Variants in KCNJ6 observed in about 807,000 individuals in gnomAD.
KCNJ6 encodes the protein potassium inwardly rectifying channel subfamily J member 6.
A neutral mutation model predicts 34.2 loss-of-function variants in KCNJ6; 9 were observed. The observed-to-expected ratio is 0.26, with a 90% CI of 0.16 to 0.46. The LOEUF (loss-of-function observed/expected upper bound fraction) is 0.46. Among genes scored for constraint, KCNJ6 ranks in the 20% least tolerant of loss-of-function variants. KCNJ6 has a pLI of 1.00. For missense variants in KCNJ6, 236 were observed against 531.3 expected, an observed-to-expected ratio of 0.44 and a Z score of 5.46; for synonymous variants, 196 against 207.1, an observed-to-expected ratio of 0.95 and a Z score of 0.46.
intron 3 of KCNJ6, among the ~76,000 whole-genome samples, chr21:37,682,220 C>T (rs368300456): frequency 6.6e-6 from 1 of 152,264 alleles, no homozygotes; most frequent in East Asian, 1.9e-4. Context: ...AGTCTGAAAT[C>T]AGGGTGTCCT....
intron 1 of KCNJ6, among the ~76,000 whole-genome samples, chr21:37,844,644 T>C (rs917720846): frequency 4.6e-5 from 7 of 152,144 alleles, no homozygotes; most frequent in Admixed American, 2.0e-4. Context: ...GACCATTTTC[T>C]ACCTCCTTGC....
At chr21:37,660,258 C>CATGTTTT (rs1266027855) in intron 3 of KCNJ6, among the ~76,000 whole-genome samples, 40 of 152,326 alleles carry the variant, frequency 2.6e-4, no homozygotes, top group Non-Finnish European at 1.5e-5. Flanking sequence ...CAAGAAAGGC[C>CATGTTTT]ATGTTTTACC....
chr21:37,797,939 G>A (rs1436304487), intron 2 of KCNJ6, among the ~76,000 whole-genome samples: 3 of 152,166 alleles, frequency 2.0e-5, no homozygotes, highest in South Asian at 2.1e-4. Flanking sequence ...TTTTTTGTAG[G>A]TGGGACTTAT....
rs2054229006 is a variant in KCNJ6 at position 37,607,625 on chromosome 21, A to C, written c.*17534T>G. The C allele has an allele frequency of 6.6e-6, 1 of 152,042 alleles. No homozygotes were observed. Among genetic ancestry groups the C allele is most frequent in the South Asian group, 2.1e-4 (1 of 4,820 alleles). 9.4% of individuals were successfully genotyped at this position (152,042 alleles called of 1,614,324 possible). ...GTAAAGGGAGTTACAAAAGGACCAA[A>C]AAATGGGACAGGAGCCAAACCAGTA... On this transcript the variant is annotated 3_prime_UTR_variant, in exon 4 of 4. Transcript: ENST00000609713.
In KCNJ6 at chr21:37,609,630, AAAAT is replaced by A. The variant is rs1298176405; in HGVS notation, c.*15525_*15528del. 6.6e-6 allele frequency: 1 copy of A among 152,206 alleles called. No individual in the cohort carries two copies. Among genetic ancestry groups the A allele is most frequent in the Non-Finnish European group, 1.5e-5 (1 of 68,038 alleles). The allele number at this position is 152,206 out of a possible 1,614,324, so 9.4% of individuals were successfully genotyped here. ...TATTTTCCATTACTGGTATATAACT[AAAAT>A]AAAGCAGTAGTGCTACGGTTAAAAT... On this transcript the variant is annotated 3_prime_UTR_variant, in exon 4 of 4. Transcript: ENST00000609713.
chr21:37,830,798 A>G (rs2055422079), intron 2 of KCNJ6, among the ~76,000 whole-genome samples: 2 of 152,350 alleles, frequency 1.3e-5, no homozygotes, highest in East Asian at 1.9e-4. Context: ...AATAACTTAC[A>G]GGAATGTCAC....
At chr21:37,723,314 A>G (rs1339049148) in intron 2 of KCNJ6, among the ~76,000 whole-genome samples, 1 of 152,264 alleles carries the variant, frequency 6.6e-6, no homozygotes, top group Non-Finnish European at 1.5e-5. Flanking sequence ...GGAAACTTAT[A>G]TACTGTTGGT....
At chr21:37,858,895 G>A (rs1334326210) in intron 1 of KCNJ6, among the ~76,000 whole-genome samples, 2 of 151,846 alleles carry the variant, frequency 1.3e-5, no homozygotes, top group African/African-American at 4.8e-5. Flanking sequence ...AGGTGAAGGA[G>A]GAAAGAAACT....
intron 3 of KCNJ6, among the ~76,000 whole-genome samples, chr21:37,660,204 C>G (rs1459253826): frequency 1.3e-5 from 2 of 152,226 alleles, no homozygotes; most frequent in African/African-American, 4.8e-5. Flanking sequence ...CACACCTACA[C>G]TCTCTTCCTT....
intron 2 of KCNJ6, among the ~76,000 whole-genome samples, chr21:37,735,958 A>C (rs1280763043): frequency 1.3e-5 from 2 of 152,226 alleles, no homozygotes; most frequent in African/African-American, 4.8e-5. Flanking sequence ...ACATGGGGTC[A>C]GCACTCTGAG....
chr21:37,804,357 C>T (rs184869254), intron 2 of KCNJ6, among the ~76,000 whole-genome samples: 233 of 152,306 alleles, frequency 1.5e-3, no homozygotes, highest in African/African-American at 5.4e-3. Context: ...AAATTAAAAA[C>T]CTATGTCCAC....
intron 1 of KCNJ6, among the ~76,000 whole-genome samples, chr21:37,908,239 C>T (rs912411241): frequency 6.6e-6 from 1 of 152,204 alleles, no homozygotes; most frequent in African/African-American, 2.4e-5. Flanking sequence ...TTCTCCCTGA[C>T]ATTTCTCTTT....
chr21:37,691,700 G>C (rs186873878), intron 3 of KCNJ6, among the ~76,000 whole-genome samples: 3 of 152,158 alleles, frequency 2.0e-5, no homozygotes, highest in Non-Finnish European at 2.9e-5. Context: ...TTTTGGATAT[G>C]ACAGTGGGAT....
chr21:37,822,314 C>T (rs910265338), intron 2 of KCNJ6, among the ~76,000 whole-genome samples: 1 of 152,186 alleles, frequency 6.6e-6, no homozygotes, highest in East Asian at 1.9e-4. Flanking sequence ...TGCCCAATCT[C>T]CTCTGATAGG....
At chr21:37,741,979 C>T (rs149438649) in intron 2 of KCNJ6, among the ~76,000 whole-genome samples, 141 of 152,254 alleles carry the variant, frequency 9.3e-4, no homozygotes, top group African/African-American at 3.0e-3. Flanking sequence ...CATTTGGTAA[C>T]GGCCCAAAGG....
At chr21:37,655,211 GT>G (rs1569438817) in intron 3 of KCNJ6, among the ~76,000 whole-genome samples, 29 of 58,990 alleles carry the variant, frequency 4.9e-4, no homozygotes, top group African/African-American at 8.6e-4. Flanking sequence ...GTGTGTGTGT[GT>G]GTGTGTGTGT....
At chr21:37,893,647 T>TC (rs1158897909) in intron 1 of KCNJ6, among the ~76,000 whole-genome samples, 1 of 151,796 alleles carries the variant, frequency 6.6e-6, no homozygotes, top group East Asian at 1.9e-4. Flanking sequence ...TTTTTTTTTT[T>TC]CCTCTGCCTT....
At chr21:37,886,939 T>TG (rs1035105409) in intron 1 of KCNJ6, among the ~76,000 whole-genome samples, 1 of 151,886 alleles carries the variant, frequency 6.6e-6, no homozygotes, top group African/African-American at 2.4e-5. Context: ...CTTGTTTTTT[T>TG]TTTTTTTTTT....
At chr21:37,666,380 C>G (rs1045573992) in intron 3 of KCNJ6, among the ~76,000 whole-genome samples, 1 of 152,160 alleles carries the variant, frequency 6.6e-6, no homozygotes, top group Admixed American at 6.5e-5. Context: ...GGGATGAGCA[C>G]CATGAGCTGC....
Sources: gnomAD v4.1 joint callset for allele counts (sites outside exome capture counted in the v4.1 genomes callset) on GRCh38, gnomAD v4.1.1 for gene constraint, MANE v1.5 for transcripts, NCBI Gene and HGNC (gene_info 2026-07-23, HGNC 2026-07-21) for gene names.